Variants in LRRC27 observed in about 807,000 individuals in gnomAD.
LRRC27 encodes leucine rich repeat containing 27.
LRRC27 carries 57 observed loss-of-function variants against 55.0 expected under a neutral mutation model. The observed-to-expected ratio is 1.04, with a 90% CI of 0.84 to 1.29. The LOEUF is 1.29. Ranked by LOEUF, LRRC27 falls within the 50% of genes most tolerant of loss-of-function variation. LRRC27 has a pLI of 0.00. For missense variants in LRRC27, 721 were observed against 651.5 expected (o/e 1.11, Z -1.16); for synonymous variants, 278 against 251.9 (o/e 1.10, Z -0.98).
At chr10:132,343,316 A>G (rs1376717156) in intron 4 of LRRC27, among the ~76,000 whole-genome samples, 2 of 152,282 alleles carry the variant, frequency 1.3e-5, no homozygotes, top group Admixed American at 1.3e-4. Context: ...CCCTCTCTCT[A>G]AAAACAAAAC....
rs1564852920 is a variant in LRRC27 at position 132,364,375 on chromosome 10, A to ACGCTTACATCTACCTCCACG, written c.1290-1048_1290-1047insGCTTACATCTACCTCCACGC. On this transcript the variant is annotated intron_variant, in intron 9 of 10. Coordinates refer to ENST00000368614, the MANE Select transcript of LRRC27 (RefSeq NM_030626.3). ...TACCTCCACACCCGCGCTTACACCC[A>ACGCTTACATCTACCTCCACG]CCCACACTTACACCCACCCTTACAT... is the stretch of plus-strand genomic sequence containing the variant. Among the ~76,000 whole-genome samples, 29 of 95,484 alleles carry ACGCTTACATCTACCTCCACG rather than the reference A, an allele frequency of 3.0e-4. 2 individuals carry two copies. The highest frequency in any genetic ancestry group is 8.5e-4 in the East Asian group (2 of 2,346). The allele number at this position is 95,484 out of a possible 152,430, so 62.6% of individuals were successfully genotyped here. A position where few individuals can be genotyped will look rare whatever the true frequency, so the allele number is the denominator to read the frequency against.
chr10:132,331,855 C>T (rs779258325), upstream of LRRC27: 8 of 1,409,692 alleles, frequency 5.7e-6, no homozygotes, highest in East Asian at 2.4e-5. Context: ...CGGATGCTAC[C>T]GTTGGCCGCG....
chr10:132,371,247 G>C lies in LRRC27; in HGVS notation c.1417-3819G>C, dbSNP rs557037964. On this transcript the variant is annotated intron_variant, in intron 10 of 10. Coordinates refer to ENST00000368614, the MANE Select transcript of LRRC27 (RefSeq NM_030626.3). ...CGGGAGCACCCCCCCATGCACCCGG[G>C]AGCCTGGCCTGTGGGAGAAGGGGAT... Among the ~76,000 whole-genome samples, 35 of 152,386 alleles carry C rather than the reference G, an allele frequency of 2.3e-4. No individual in the cohort carries two copies. In the East Asian group the frequency reaches 6.6e-3, roughly 29 times the overall value.
rs2069334993 is a variant in LRRC27 at position 132,376,162 on chromosome 10, C to T, written c.*920C>T. The T allele has an allele frequency of 6.6e-6, 1 of 152,118 alleles. No individual in the cohort carries two copies. Among genetic ancestry groups the T allele is most frequent in the South Asian group, 2.1e-4 (1 of 4,824 alleles). 9.4% of individuals were successfully genotyped at this position (152,118 alleles called of 1,614,324 possible). A position where few individuals can be genotyped will look rare whatever the true frequency, so the allele number is the denominator to read the frequency against. On this transcript the variant is annotated 3_prime_UTR_variant, in exon 11 of 11. Transcript: ENST00000368614. The stretch of plus-strand genomic sequence containing the variant: ...ATCTTTAGGATCCGTAATAATGTCC[C>T]CTCTTTTATTCTTGACCTGGTGTTC...
intron 10 of LRRC27, among the ~76,000 whole-genome samples, chr10:132,369,666 G>C (rs573947195): frequency 1.7e-4 from 26 of 152,300 alleles, no homozygotes; most frequent in African/African-American, 6.3e-4. Context: ...CACAGACTGT[G>C]CCACCCCACA....
chr10:132,380,398 C>T lies in LRRC27; in HGVS notation c.*5156C>T, dbSNP rs2069396160. Among the ~76,000 whole-genome samples, 2 of 152,232 alleles carry T rather than the reference C, an allele frequency of 1.3e-5. No homozygotes were observed. Among genetic ancestry groups the T allele is most frequent in the Admixed American group, 1.3e-4 (2 of 15,284 alleles). On this transcript the variant is annotated 3_prime_UTR_variant, in exon 11 of 11. Transcript: ENST00000368614. ...ACAAAGCCACCTCCTGTTGCTATTG[C>T]AGTGAGCGCAAGCATGTCAAGGATC...
intron 8 of LRRC27, among the ~76,000 whole-genome samples, chr10:132,357,632 G>A (rs2068366338): frequency 6.6e-6 from 1 of 152,236 alleles, no homozygotes; most frequent in Admixed American, 6.5e-5. Context: ...TGCGGGGAGG[G>A]CTGTGGCTCT....
intron 6 of LRRC27, chr10:132,351,204 C>T (rs952368562): frequency 1.7e-4 from 30 of 176,042 alleles, no homozygotes; most frequent in African/African-American, 4.0e-4. Context: ...CACGTCACAT[C>T]GTCCAGCCCG....
At chr10:132,331,780 C>A (rs1446243822), upstream of LRRC27, 2 of 1,608,142 alleles carry the variant, frequency 1.2e-6, no homozygotes, top group Non-Finnish European at 1.7e-6. Context: ...GTCGCCCCTC[C>A]AGACCCTCGC....
At chr10:132,370,687 A>G (rs1010523177) in intron 10 of LRRC27, among the ~76,000 whole-genome samples, 2 of 152,184 alleles carry the variant, frequency 1.3e-5, no homozygotes, top group South Asian at 2.1e-4. Context: ...TGATGGCCGC[A>G]TGTTTAGGAA....
upstream of LRRC27, chr10:132,331,863 G>A (rs747445342): frequency 4.4e-6 from 6 of 1,352,072 alleles, no homozygotes; most frequent in East Asian, 2.4e-5. Flanking sequence ...ACCGTTGGCC[G>A]CGTGCGTGCG....
chr10:132,346,845 G>A (rs373251422), intron 5 of LRRC27, among the ~76,000 whole-genome samples: 1 of 152,148 alleles, frequency 6.6e-6, no homozygotes, highest in African/African-American at 2.4e-5. Context: ...TTCTTAGGAC[G>A]TTTTGAAGCA....
Position 132,344,508 on chromosome 10 carries a change from C to T in LRRC27, c.411C>T (p.Thr137=), listed in dbSNP as rs2067580295. The change falls in exon 5 of 11, where the codon ACC becomes ACT. Residue 137 remains threonine (T), a synonymous_variant. Transcript: ENST00000368614. ...KMLPVELGSV[T]TLKALNLRHC... is the part of the protein sequence containing the mutation. Reference sequence around the variant, plus strand: ...TTTCCTCCACTGCAGGGAGCGTAACCACGCTGAAAGCACTGAACCTAAGAC... The same window carrying T: ...TTTCCTCCACTGCAGGGAGCGTAACTACGCTGAAAGCACTGAACCTAAGAC... 1 of 1,613,026 alleles carries T rather than the reference C, an allele frequency of 6.2e-7. No homozygotes were observed. Among genetic ancestry groups the T allele is most frequent in the African/African-American group, 1.3e-5 (1 of 74,874 alleles).
At chr10:132,361,968 T>C (rs2068641881) in intron 9 of LRRC27, among the ~76,000 whole-genome samples, 1 of 152,082 alleles carries the variant, frequency 6.6e-6, no homozygotes, top group African/African-American at 2.4e-5. Context: ...CTTCTCATGC[T>C]GAGTTCTGAT....
At chr10:132,353,313 C>G in intron 7 of LRRC27, 1 of 1,149,660 alleles carries the variant, frequency 8.7e-7, no homozygotes, top group Non-Finnish European at 1.1e-6. Context: ...GGCTGCAGCC[C>G]GGCCCTGACT....
chr10:132,371,107 G>C (rs2069202633), intron 10 of LRRC27, among the ~76,000 whole-genome samples: 1 of 152,282 alleles, frequency 6.6e-6, no homozygotes, highest in South Asian at 2.1e-4. Flanking sequence ...TCTAGAAGCA[G>C]AGGGTCTCAT....
intron 7 of LRRC27, 69 bp downstream of exon 7, chr10:132,351,822 T>C: frequency 6.6e-7 from 1 of 1,512,664 alleles, no homozygotes; most frequent in Non-Finnish European, 8.9e-7. Context: ...TGGGCTGTGA[T>C]TTTATGGCAG....
intron 9 of LRRC27, among the ~76,000 whole-genome samples, chr10:132,363,157 G>T (rs2068724700): frequency 8.0e-6 from 1 of 125,022 alleles, no homozygotes; most frequent in East Asian, 2.0e-4. Context: ...CAGCTCGGGG[G>T]GCCAGGGTTC....
chr10:132,364,538 AATCTACCTC>A lies in LRRC27; in HGVS notation c.1290-885_1290-877del, dbSNP rs2068896876. ...ACACTCGCACTTACACCCACACTTA[AATCTACCTC>A]CACACCCACACTTACACCCACGTCC... On this transcript the variant is annotated intron_variant, in intron 9 of 10. Transcript: ENST00000368614. Among the ~76,000 whole-genome samples, 2 of 10,440 alleles carry A rather than the reference AATCTACCTC, an allele frequency of 1.9e-4. 1 individual carries two copies. The highest frequency in any genetic ancestry group is 3.9e-4 in the Non-Finnish European group (2 of 5,152). 6.8% of individuals were successfully genotyped at this position (10,440 alleles called of 152,430 possible).
Sources: gnomAD v4.1 joint callset for allele counts (sites outside exome capture counted in the v4.1 genomes callset) on GRCh38, gnomAD v4.1.1 for gene constraint, MANE v1.5 for transcripts, NCBI Gene and HGNC (gene_info 2026-07-23, HGNC 2026-07-21) for gene names.